Variants in GAREM2 observed in about 807,000 individuals in gnomAD.
The protein encoded by GAREM2 is GRB2 associated regulator of MAPK1 subtype 2.
A neutral mutation model predicts 55.6 loss-of-function variants in GAREM2; 30 were observed. That is an observed-to-expected ratio of 0.54 (90% confidence interval 0.40 to 0.73). The LOEUF is 0.73. GAREM2 is among the 30% of genes least tolerant of loss of function. GAREM2 has a pLI of 0.00. For missense variants in GAREM2, 1,075 were observed against 1,257.7 expected (o/e 0.85, Z 2.20); for synonymous variants, 550 against 569.1 (o/e 0.97, Z 0.48).
At chr2:26,201,239 A>C in the GAREM2 span, 2 of 1,612,748 alleles carry the variant, frequency 1.2e-6, no homozygotes, top group African/African-American at 2.7e-5. Context: ...AACCTTGGTA[A>C]TCAAGCTGCC....
chr2:26,182,072 A>C (rs1183363038), intron 2 of GAREM2: 2 of 1,049,134 alleles, frequency 1.9e-6, no homozygotes, highest in African/African-American at 3.4e-5. Flanking sequence ...AAAGCTTGAG[A>C]AGAGGCCATC....
In GAREM2 at chr2:26,179,197, C is replaced by T. The variant is rs971151617; in HGVS notation, c.253+2713C>T. Reference sequence around the variant, plus strand: ...GGCCCCGTACTGTCCCCCGTCCCAGCCCCCGCCCCTGGCCCTGCGGGAGGG... The same window carrying T: ...GGCCCCGTACTGTCCCCCGTCCCAGTCCCCGCCCCTGGCCCTGCGGGAGGG... On this transcript the variant is annotated intron_variant, in intron 2 of 5. Transcript: ENST00000401533. The surrounding 1 kb of genome is among the most constrained non-coding windows in gnomAD (Gnocchi z 4.7). Among the ~76,000 whole-genome samples the T allele has an allele frequency of 1.9e-4, 29 of 152,144 alleles. No individual in the cohort carries two copies. The highest frequency in any genetic ancestry group is 3.1e-4 in the Non-Finnish European group (21 of 68,016).
Position 26,184,359 on chromosome 2 carries a change from T to A in GAREM2, c.511T>A (p.Phe171Ile). ...CAKTTKERSR[F>I]TTLLRKLGRA... ...CAAGACCACCAAGGAGCGCTCGCGC[T>A]TCACCACCCTCCTGCGAAAGCTGGG... The change falls in exon 4 of 6, where the codon TTC becomes ATC. Residue 171 changes from phenylalanine to isoleucine, a missense_variant. By Grantham distance (21) the Phe-to-Ile change is conservative. Coordinates refer to ENST00000401533, the MANE Select transcript of GAREM2 (RefSeq NM_001168241.2). 6.5e-7 allele frequency: 1 copy of A among 1,546,898 alleles called. No homozygotes were observed. Among genetic ancestry groups the A allele is most frequent in the Non-Finnish European group, 8.7e-7 (1 of 1,144,794 alleles).
chr2:26,187,761 G>A lies in GAREM2; in HGVS notation c.2129G>A (p.Ser710Asn). 6.9e-7 allele frequency: 1 copy of A among 1,448,434 alleles called. No individual in the cohort carries two copies. Among genetic ancestry groups the A allele is most frequent in the South Asian group, 1.5e-5 (1 of 66,988 alleles). 89.7% of individuals were successfully genotyped at this position (1,448,434 alleles called of 1,614,324 possible). The change falls in exon 6 of 6, where the codon AGT becomes AAT. Residue 710 changes from serine to asparagine, a missense_variant. By Grantham distance (46) the Ser-to-Asn change is conservative. Transcript: ENST00000401533. ...GATCCCTTTGAGCTGGGGCAGGGCAGTTCTCCAGAGCCTGAGCTGCTGCGT... is the reference window on the plus strand; with the variant it reads ...GATCCCTTTGAGCTGGGGCAGGGCAATTCTCCAGAGCCTGAGCTGCTGCGT... The part of the protein sequence containing the change: ...PFDPFELGQG[S>N]SPEPELLRSQ...
the GAREM2 span, among the ~76,000 whole-genome samples, chr2:26,201,788 C>CTT: frequency 6.9e-6 from 1 of 145,154 alleles, no homozygotes; most frequent in East Asian, 2.0e-4. Flanking sequence ...TAGTTGTAAT[C>CTT]TTTTTTTTTT....
At position 26,185,242 on chromosome 2, in the gene GAREM2, C is replaced by G; in HGVS notation, c.1394C>G (p.Ala465Gly). 2 of 1,521,178 alleles carry G rather than the reference C, an allele frequency of 1.3e-6. No homozygotes were observed. The highest frequency in any genetic ancestry group is 1.8e-6 in the Non-Finnish European group (2 of 1,141,204). The allele number at this position is 1,521,178 out of a possible 1,614,324, so 94.2% of individuals were successfully genotyped here. ...GGACCGCCGCGTCGGGAGCCGGAAG[C>G]GCCGCCGCCTCCAGTCCCTCCCAAA... The part of the protein sequence containing the change: ...AAGPPRREPE[A>G]PPPPVPPKSE... Residue 465 changes from alanine (A) to glycine (G), a missense_variant, in exon 4 of 6, where the codon GCG becomes GGG. Coordinates refer to ENST00000401533, the MANE Select transcript of GAREM2 (RefSeq NM_001168241.2).
chr2:26,176,306 T>A (rs928836896), intron 1 of GAREM2, 38 bp from the exon 2 acceptor site: 14 of 1,459,556 alleles, frequency 9.6e-6, no homozygotes, highest in Non-Finnish European at 1.3e-5. Flanking sequence ...TGTCCTGTCT[T>A]CCTTCCCCTC....
chr2:26,184,910 C>T lies in GAREM2; in HGVS notation c.1062C>T (p.Pro354=). The T allele has an allele frequency of 1.4e-6, 2 of 1,444,528 alleles. No homozygotes were observed. Among genetic ancestry groups the T allele is most frequent in the Non-Finnish European group, 1.8e-6 (2 of 1,108,384 alleles). The allele number at this position is 1,444,528 out of a possible 1,614,324, so 89.5% of individuals were successfully genotyped here. A position where few individuals can be genotyped will look rare whatever the true frequency, so the allele number is the denominator to read the frequency against. Residue 354 remains proline (P), a synonymous_variant, in exon 4 of 6, where the codon CCC becomes CCT. Coordinates refer to ENST00000401533, the MANE Select transcript of GAREM2 (RefSeq NM_001168241.2). ...SASYCRERFD[P]DEYSTAVREA... ...CCTACTGCCGCGAGCGCTTCGACCC[C>T]GACGAGTACTCCACGGCCGTGCGCG...
At position 26,187,323 on chromosome 2, in the gene GAREM2, A is replaced by G; in HGVS notation, c.1691A>G (p.Glu564Gly). The G allele has an allele frequency of 6.5e-7, 1 of 1,532,594 alleles. No homozygotes were observed. The allele number at this position is 1,532,594 out of a possible 1,614,324, so 94.9% of individuals were successfully genotyped here. A position where few individuals can be genotyped will look rare whatever the true frequency, so the allele number is the denominator to read the frequency against. The change falls in exon 6 of 6, where the codon GAG becomes GGG. Residue 564 changes from glutamate to glycine, a missense_variant. Around this residue, in one of 6 missense-constraint regions of GAREM2, gnomAD observed 515 missense variants for 501.5 expected, o/e 1.03. Coordinates refer to ENST00000401533, the MANE Select transcript of GAREM2 (RefSeq NM_001168241.2). ...ACCTGGGGAGACTGCAAGGTGGGCG[A>G]GTCCTCTAGCCGCCCAGCCCCCGGT... ...PCTWGDCKVG[E>G]SSSRPAPGPL... is the part of the protein sequence containing the mutation.
the GAREM2 span, among the ~76,000 whole-genome samples, chr2:26,203,678 G>A: frequency 6.6e-6 from 1 of 152,172 alleles, no homozygotes; most frequent in Admixed American, 6.5e-5. Flanking sequence ...AGACAGTCAT[G>A]CTGTTTGAAT....
In GAREM2 at chr2:26,180,967, T is replaced by C. The variant is rs1233764206; in HGVS notation, c.254-2000T>C. On this transcript the variant is annotated intron_variant, in intron 2 of 5. Transcript: ENST00000401533. ...GGTGGCCTGAGTACATCATCCTGAG[T>C]CCCTTCCTTCCCCACCTCCCCCTTC... The C allele has an allele frequency of 1.1e-5, 11 of 985,276 alleles. No individual in the cohort carries two copies. The East Asian group carries it at 1.0e-3, about 91-fold the overall frequency. The allele number at this position is 985,276 out of a possible 1,614,324, so 61.0% of individuals were successfully genotyped here. A position where few individuals can be genotyped will look rare whatever the true frequency, so the allele number is the denominator to read the frequency against.
chr2:26,186,182 C>A lies in GAREM2; in HGVS notation c.1429-7C>A. On this transcript the variant is annotated splice_region_variant and splice_polypyrimidine_tract_variant and intron_variant, in intron 4 of 5. Transcript: ENST00000401533. ...GTCGAGGTGGAGTCACCGCCCTCTG[C>A]TTGTAGGTGAAGGAGGAGTGCCGCC... The A allele has an allele frequency of 6.7e-7, 1 of 1,498,980 alleles. No individual in the cohort carries two copies. The allele number at this position is 1,498,980 out of a possible 1,614,324, so 92.9% of individuals were successfully genotyped here. A position where few individuals can be genotyped will look rare whatever the true frequency, so the allele number is the denominator to read the frequency against.
downstream of GAREM2, chr2:26,191,759 G>A (rs1310250656): frequency 1.1e-6 from 1 of 901,246 alleles, no homozygotes; most frequent in African/African-American, 1.6e-5. Context: ...GGCCCTCAGA[G>A]AAGATGCTGC....
At chr2:26,196,403 G>A in the GAREM2 span, among the ~76,000 whole-genome samples, 1 of 152,138 alleles carries the variant, frequency 6.6e-6, no homozygotes, top group Non-Finnish European at 1.5e-5. Flanking sequence ...TATTGATGTA[G>A]AATTTCTATA....
chr2:26,173,990 C>T (rs1221670987), intron 1 of GAREM2, among the ~76,000 whole-genome samples: 1 of 151,944 alleles, frequency 6.6e-6, no homozygotes, highest in Non-Finnish European at 1.5e-5. Context: ...GCATGGGGGC[C>T]CGAGAGGGTA....
At chr2:26,198,934 G>A in the GAREM2 span, among the ~76,000 whole-genome samples, 4 of 147,600 alleles carry the variant, frequency 2.7e-5, no homozygotes, top group East Asian at 4.0e-4. Context: ...TTGCTTTTTC[G>A]CCCAGGCTAG....
At chr2:26,183,770 G>A (rs1322731769) in intron 3 of GAREM2, among the ~76,000 whole-genome samples, 2 of 152,184 alleles carry the variant, frequency 1.3e-5, no homozygotes, top group African/African-American at 4.8e-5. Flanking sequence ...TCCCTGCTAT[G>A]TACAGATAGT....
chr2:26,183,223 G>A, intron 3 of GAREM2, 126 bp downstream of exon 3: 3 of 1,007,518 alleles, frequency 3.0e-6, no homozygotes, highest in South Asian at 1.6e-5. Context: ...GACCCCTTAG[G>A]GGTCTTTGGC....
At chr2:26,190,707 C>T (rs996949511), downstream of GAREM2, 8 of 184,084 alleles carry the variant, frequency 4.3e-5, no homozygotes, top group Non-Finnish European at 8.0e-5. Context: ...TCTGCACAGA[C>T]AGGTGTGTGT....
Sources: gnomAD v4.1 joint callset for allele counts (sites outside exome capture counted in the v4.1 genomes callset) on GRCh38, gnomAD v4.1.1 for gene constraint, gnomAD v4.1.1 regional missense constraint, Gnocchi (gnomAD v3.1) non-coding constraint, MANE v1.5 for transcripts, NCBI Gene and HGNC (gene_info 2026-07-23, HGNC 2026-07-21) for gene names.